ARHGAP23: variants seen among roughly 807,000 people sequenced by gnomAD.
ARHGAP23 encodes the protein Rho GTPase activating protein 23, also known as rho GTPase-activating protein 23.
A neutral mutation model predicts 136.3 loss-of-function variants in ARHGAP23; 34 were observed. The observed-to-expected ratio is 0.25, with a 90% confidence interval of 0.19 to 0.33. The LOEUF is 0.33. Ranked by LOEUF, ARHGAP23 falls within the 10% of genes least tolerant of loss-of-function variation. The pLI is 1.00. For synonymous variants in ARHGAP23, 832 were observed against 920.5 expected, an observed-to-expected ratio of 0.90 and a Z score of 1.74; for missense variants, 1,808 against 2,139.0, an observed-to-expected ratio of 0.85 and a Z score of 3.05.
chr17:38,433,228 G>A (rs931381659), intron 1 of ARHGAP23, among the ~76,000 whole-genome samples: 3 of 152,082 alleles, frequency 2.0e-5, no homozygotes, highest in Non-Finnish European at 2.9e-5. Context: ...CCCAAAGTGC[G>A]GGGATTACAG....
chr17:38,460,034 G>T (rs1307314417), intron 2 of ARHGAP23, among the ~76,000 whole-genome samples: 1 of 152,170 alleles, frequency 6.6e-6, no homozygotes, highest in African/African-American at 2.4e-5. Flanking sequence ...ATGGGTACAT[G>T]TGTGGAGAGG....
At chr17:38,435,320 T>G (rs886685647) in intron 1 of ARHGAP23, among the ~76,000 whole-genome samples, 15 of 152,094 alleles carry the variant, frequency 9.9e-5, no homozygotes, top group African/African-American at 3.6e-4. Context: ...CTCAGGTTGT[T>G]GAGTTGTCAT....
rs1356309954 is a variant in ARHGAP23, at chr17:38,510,787, C to T, written c.4291C>T (p.Pro1431Ser). 2.7e-6 allele frequency: 4 copies of T among 1,503,158 alleles called. No homozygotes were observed. The highest frequency in any genetic ancestry group is 4.4e-5 in the Admixed American group (2 of 45,100). 93.1% of individuals were successfully genotyped at this position (1,503,158 alleles called of 1,614,324 possible). ...GAAGGAGCTGGGCGGAGGGGGCCCC[C>T]CGGAGCCTGCGGGCGCGCGGGCGCA... ...EWKELGGGGP[P>S]EPAGARAHSD... The change falls in exon 24 of 24, where the codon CCG becomes TCG. Residue 1431 changes from proline to serine, a missense_variant. Coordinates refer to ENST00000622683, the MANE Select transcript of ARHGAP23 (RefSeq NM_001199417.2). This position sits in a 1 kb window ranked among gnomAD's most constrained non-coding sequence, Gnocchi z 4.6.
chr17:38,431,231 G>A (rs1166101262), intron 1 of ARHGAP23, among the ~76,000 whole-genome samples: 2 of 152,198 alleles, frequency 1.3e-5, no homozygotes, highest in African/African-American at 2.4e-5. Context: ...TTAGTTGCTT[G>A]TCTTTTGTTC....
Position 38,458,148 on chromosome 17 carries a change from C to A in ARHGAP23, c.110C>A (p.Pro37His). The change falls in exon 2 of 24, where the codon CCC becomes CAC. Residue 37 changes from proline to histidine, a missense_variant. Pro to His is a moderately conservative substitution (Grantham distance 77). Transcript: ENST00000622683. ...GGGTGCTCTCCTAGGCGCCCCTTCC[C>A]CTGGCAGGGGCCGAGGACGCTGCTG... The part of the protein sequence containing the change: ...RDGCSPRRPF[P>H]WQGPRTLLLY... 1 of 1,536,156 alleles carries A rather than the reference C, an allele frequency of 6.5e-7. No individual in the cohort carries two copies. The highest frequency in any genetic ancestry group is 8.7e-7 in the Non-Finnish European group (1 of 1,146,906).
In ARHGAP23 at chr17:38,510,943, G is replaced by A. The variant is rs1427166342; in HGVS notation, c.4447G>A (p.Ala1483Thr). 2.7e-6 allele frequency: 4 copies of A among 1,459,824 alleles called. No homozygotes were observed. Among genetic ancestry groups the A allele is most frequent in the Non-Finnish European group, 1.8e-6 (2 of 1,117,882 alleles). The allele number at this position is 1,459,824 out of a possible 1,614,324, so 90.4% of individuals were successfully genotyped here. Residue 1483 changes from alanine (A) to threonine (T), a missense_variant, in exon 24 of 24, where the codon GCC becomes ACC. By Grantham distance (58) the Ala-to-Thr change is moderately conservative. This residue lies in a region of ARHGAP23 where 506 missense variants were observed against 455.8 expected (regional missense o/e 1.11). Coordinates refer to ENST00000622683, the MANE Select transcript of ARHGAP23 (RefSeq NM_001199417.2). This position sits in a 1 kb window ranked among gnomAD's most constrained non-coding sequence, Gnocchi z 4.6. The part of the protein sequence containing the change: ...SLQSQPPRRS[A>T]ASRLHQCL ...GCAGAGCCAGCCCCCGCGCCGCTCG[G>A]CCGCCTCCCGCCTGCATCAGTGTCT...
chr17:38,478,655 C>T lies in ARHGAP23; in HGVS notation c.2436+759C>T, dbSNP rs952121155. Among the ~76,000 whole-genome samples the T allele has an allele frequency of 7.8e-4, 118 of 152,038 alleles. 1 individual carries two copies. Among genetic ancestry groups the T allele is most frequent in the Admixed American group, 2.5e-3 (38 of 15,246 alleles). On this transcript the variant is annotated intron_variant, in intron 12 of 23. Transcript: ENST00000622683. ...TGATCTCCTGACCTCGTGATCCTCC[C>T]GCCTCAGCCTCCCAAAGTGCTGGGA...
At chr17:38,419,580 TCACACACACACACA>T (rs60358190) in intron 1 of ARHGAP23, among the ~76,000 whole-genome samples, 4 of 143,164 alleles carry the variant, frequency 2.8e-5, no homozygotes, top group East Asian at 2.2e-4. Flanking sequence ...GACACAGAGC[TCACACACACACACA>T]CACACACACA....
chr17:38,470,056 C>G (rs1016001880), intron 10 of ARHGAP23, among the ~76,000 whole-genome samples, 152 bp downstream of exon 10: 1 of 152,198 alleles, frequency 6.6e-6, no homozygotes, highest in Non-Finnish European at 1.5e-5. Flanking sequence ...GTGTCCACCG[C>G]GGGACCCGCC....
chr17:38,423,574 T>C (rs1409949778), upstream of ARHGAP23, among the ~76,000 whole-genome samples: 1 of 152,052 alleles, frequency 6.6e-6, no homozygotes, highest in Non-Finnish European at 1.5e-5. Context: ...GATTTCACCA[T>C]GTTGGCCAGG....
chr17:38,426,545 C>T (rs866586277), upstream of ARHGAP23, among the ~76,000 whole-genome samples: 141 of 53,098 alleles, frequency 2.7e-3, 1 homozygote, highest in African/African-American at 0.017. Flanking sequence ...AGTGAAACTC[C>T]ATCTCAAAAA....
chr17:38,510,143 C>A lies in ARHGAP23; in HGVS notation c.3647C>A (p.Pro1216Gln). ...GGGACTCAGGAGCGGCCGCAGGGGC[C>A]GCTGCCTGGCGCCGTCGCCCCCGAG... ...APGTQERPQG[P>Q]LPGAVAPEAP... Residue 1216 changes from proline to glutamine, a missense_variant, in exon 24 of 24, where the codon CCG (proline) becomes CAG (glutamine). Physicochemically the swap from Pro to Gln is moderately conservative, Grantham distance 76 (BLOSUM62 -1). Around this residue, in one of 7 missense-constraint regions of ARHGAP23, gnomAD observed 506 missense variants for 455.8 expected, o/e 1.11. Coordinates refer to ENST00000622683, the MANE Select transcript of ARHGAP23 (RefSeq NM_001199417.2). This position sits in a 1 kb window ranked among gnomAD's most constrained non-coding sequence, Gnocchi z 4.6. 2 of 1,273,728 alleles carry A rather than the reference C, an allele frequency of 1.6e-6. No individual in the cohort carries two copies. Among genetic ancestry groups the A allele is most frequent in the Non-Finnish European group, 9.8e-7 (1 of 1,017,176 alleles). The allele number at this position is 1,273,728 out of a possible 1,614,324, so 78.9% of individuals were successfully genotyped here. A position where few individuals can be genotyped will look rare whatever the true frequency, so the allele number is the denominator to read the frequency against.
chr17:38,464,874 T>G lies in ARHGAP23; in HGVS notation c.484-1293T>G, dbSNP rs556441246. Reference sequence around the variant, plus strand: ...GGTGGGGCCCAGGCATTCCTGTGGTTGGAAGCCAAGGCTGGAGGCCAATCG... The same window carrying G: ...GGTGGGGCCCAGGCATTCCTGTGGTGGGAAGCCAAGGCTGGAGGCCAATCG... On this transcript the variant is annotated intron_variant, in intron 6 of 23. Coordinates refer to ENST00000622683, the MANE Select transcript of ARHGAP23 (RefSeq NM_001199417.2). Among the ~76,000 whole-genome samples the G allele has an allele frequency of 9.9e-5, 15 of 152,272 alleles. 1 individual carries two copies. Among genetic ancestry groups the G allele is most frequent in the Admixed American group, 9.8e-4 (15 of 15,304 alleles).
At chr17:38,435,907 G>T (rs1337200859) in intron 1 of ARHGAP23, among the ~76,000 whole-genome samples, 1 of 152,186 alleles carries the variant, frequency 6.6e-6, no homozygotes. Context: ...GGCCTGGGAA[G>T]ATTCTTATAA....
intron 1 of ARHGAP23, among the ~76,000 whole-genome samples, chr17:38,429,510 G>A (rs1033160995): frequency 5.9e-5 from 9 of 152,220 alleles, no homozygotes; most frequent in African/African-American, 2.2e-4. Context: ...TTTAGACAGG[G>A]CTGAAAGACT....
Position 38,479,738 on chromosome 17 carries a change from C to G in ARHGAP23, c.2499-15C>G, listed in dbSNP as rs1019741989. Reference sequence around the variant, plus strand: ...CCAAATGAAGACCTCTCCTCTCCCCCTTTTTCCTACACAGCCATAGCTCTG... The same window carrying G: ...CCAAATGAAGACCTCTCCTCTCCCCGTTTTTCCTACACAGCCATAGCTCTG... On this transcript the variant is annotated splice_polypyrimidine_tract_variant and intron_variant, in intron 13 of 23. Transcript: ENST00000622683. 66 of 1,467,366 alleles carry G rather than the reference C, an allele frequency of 4.5e-5. No homozygotes were observed. In the Middle Eastern group the frequency reaches 3.5e-3, roughly 79 times the overall value. The allele number at this position is 1,467,366 out of a possible 1,614,324, so 90.9% of individuals were successfully genotyped here.
chr17:38,424,225 T>G (rs989447286), upstream of ARHGAP23, among the ~76,000 whole-genome samples: 5 of 152,062 alleles, frequency 3.3e-5, no homozygotes, highest in African/African-American at 1.2e-4. Flanking sequence ...TCCAGTCCGC[T>G]CATCACGCCC....
chr17:38,482,201 G>T, intron 15 of ARHGAP23, 58 bp downstream of exon 15: 15 of 1,533,640 alleles, frequency 9.8e-6, no homozygotes, highest in Non-Finnish European at 1.2e-5. Flanking sequence ...GGCACAGAGG[G>T]TCAGAGCAGC....
At chr17:38,444,543 G>C (rs1307087012) in intron 1 of ARHGAP23, among the ~76,000 whole-genome samples, 1 of 152,172 alleles carries the variant, frequency 6.6e-6, no homozygotes, top group African/African-American at 2.4e-5. Flanking sequence ...CCTTGGAAGA[G>C]TTTGTGCATG....
Sources: gnomAD v4.1 joint callset for allele counts (sites outside exome capture counted in the v4.1 genomes callset) on GRCh38, gnomAD v4.1.1 for gene constraint, gnomAD v4.1.1 regional missense constraint, Gnocchi (gnomAD v3.1) non-coding constraint, MANE v1.5 for transcripts, NCBI Gene and HGNC (gene_info 2026-07-23, HGNC 2026-07-21) for gene names.